Variants in GGA2 observed in about 807,000 individuals in gnomAD.
GGA2 encodes the protein ADP-ribosylation factor-binding protein GGA2.
GGA2 carries 48 observed loss-of-function variants against 79.5 expected under a neutral mutation model. The observed-to-expected ratio is 0.60, with a 90% CI of 0.48 to 0.77. The LOEUF is 0.77. Ranked by LOEUF, GGA2 falls within the 30% of genes least tolerant of loss-of-function variation. GGA2 has a pLI of 0.00. For missense variants in GGA2, 770 were observed against 774.0 expected (o/e 0.99, Z 0.06); for synonymous variants, 317 against 302.0 (o/e 1.05, Z -0.51).
At chr16:23,490,495 G>T (rs1013037150) in intron 5 of GGA2, among the ~76,000 whole-genome samples, 1 of 152,046 alleles carries the variant, frequency 6.6e-6, no homozygotes, top group African/African-American at 2.4e-5. Flanking sequence ...AGCACTTTGG[G>T]AGGCTGAGGC....
At chr16:23,477,669 C>T (rs1964591739) in intron 13 of GGA2, among the ~76,000 whole-genome samples, 1 of 152,084 alleles carries the variant, frequency 6.6e-6, no homozygotes, top group Admixed American at 6.6e-5. Context: ...ATCGCTTGAA[C>T]CTGGGAGGCA....
chr16:23,474,796 T>G, intron 14 of GGA2, 108 bp downstream of exon 14: 1 of 845,758 alleles, frequency 1.2e-6, no homozygotes, highest in African/African-American at 1.7e-5. Context: ...CTCCCATTTA[T>G]CAACCAAATT....
At chr16:23,500,922 T>C (rs1214078020) in intron 1 of GGA2, 4 of 277,234 alleles carry the variant, frequency 1.4e-5, no homozygotes, top group Non-Finnish European at 2.9e-5. Context: ...ACCTATATTA[T>C]ATATACCATG....
chr16:23,510,082 T>C (rs12921516), intron 1 of GGA2, among the ~76,000 whole-genome samples: 3 of 129,298 alleles, frequency 2.3e-5, no homozygotes, highest in East Asian at 2.4e-4. Context: ...GCTGCTAAGT[T>C]GGGGGGTGGG....
chr16:23,510,808 G>C (rs1965039998), upstream of GGA2, among the ~76,000 whole-genome samples: 1 of 152,218 alleles, frequency 6.6e-6, no homozygotes, highest in Non-Finnish European at 1.5e-5. Flanking sequence ...CTAGGCTCAA[G>C]CGATCCTCCC....
intron 16 of GGA2, 106 bp from the exon 17 acceptor site, chr16:23,467,806 C>A (rs1964460774): frequency 7.2e-6 from 5 of 698,908 alleles, no homozygotes; most frequent in South Asian, 1.5e-5. Flanking sequence ...CACAAAATAC[C>A]TGGGATACTC....
At chr16:23,478,935 A>G in intron 11 of GGA2, 24 bp from the exon 12 acceptor site, 1 of 1,552,230 alleles carries the variant, frequency 6.4e-7, no homozygotes, top group Non-Finnish European at 8.9e-7. Flanking sequence ...GTAGAGTGAG[A>G]TGCCTAACAG....
chr16:23,505,210 T>C (rs542860110), intron 1 of GGA2, among the ~76,000 whole-genome samples: 1 of 152,286 alleles, frequency 6.6e-6, no homozygotes, highest in African/African-American at 2.4e-5. Context: ...AATGTCCTAC[T>C]CATCACCTGG....
intron 2 of GGA2, among the ~76,000 whole-genome samples, chr16:23,519,303 A>T (rs948569720): frequency 6.6e-6 from 1 of 152,094 alleles, no homozygotes; most frequent in African/African-American, 2.4e-5. Context: ...TTGGCCTCCC[A>T]ATGTGCTGGG....
intron 1 of GGA2, among the ~76,000 whole-genome samples, chr16:23,498,465 A>G (rs962878379): frequency 1.4e-4 from 21 of 152,076 alleles, no homozygotes; most frequent in African/African-American, 3.9e-4. Context: ...ACAGTGTCTC[A>G]TGCCTGTAAT....
At chr16:23,472,098 C>G (rs1342512138) in intron 14 of GGA2, among the ~76,000 whole-genome samples, 14 of 150,694 alleles carry the variant, frequency 9.3e-5, no homozygotes, top group Admixed American at 9.3e-4. Flanking sequence ...GTATTATGAT[C>G]TCCTCATAAT....
chr16:23,510,225 T>C (rs1213324997), intron 1 of GGA2, 96 bp downstream of exon 1: 18 of 754,230 alleles, frequency 2.4e-5, no homozygotes, highest in African/African-American at 7.5e-5. Context: ...CGGCCTCCCC[T>C]GCGGCCGCCC....
intron 9 of GGA2, among the ~76,000 whole-genome samples, chr16:23,481,349 G>C (rs2142122082): frequency 6.6e-6 from 1 of 152,272 alleles, no homozygotes; most frequent in African/African-American, 2.4e-5. Context: ...CTCCAGCCGG[G>C]GCAGCAAGAG....
rs373294083 is a variant in GGA2 at position 23,498,545 on chromosome 16, T to C, written c.92-2767A>G. On this transcript the variant is annotated intron_variant, in intron 1 of 16. Transcript: ENST00000309859. ...GACTTCGTGACAAGCCTGGGCAACATAGTGAGGCCCCATCTCTACAAATAT... is the reference window on the plus strand; with the variant it reads ...GACTTCGTGACAAGCCTGGGCAACACAGTGAGGCCCCATCTCTACAAATAT... Among the ~76,000 whole-genome samples, 24 of 152,142 alleles carry C rather than the reference T, an allele frequency of 1.6e-4. No individual in the cohort carries two copies. The South Asian group carries it at 3.5e-3, about 22-fold the overall frequency.
intron 13 of GGA2, 129 bp downstream of exon 13, chr16:23,478,239 A>T: frequency 3.2e-6 from 2 of 632,350 alleles, no homozygotes; most frequent in Non-Finnish European, 5.0e-6. Flanking sequence ...AAAAAAAAAA[A>T]GAAAGAAAGA....
intron 1 of GGA2, chr16:23,501,469 A>G (rs1468406769): frequency 4.8e-6 from 2 of 420,268 alleles, no homozygotes; most frequent in Non-Finnish European, 9.6e-6. Flanking sequence ...TTTATGCAAG[A>G]TATTACTTCG....
chr16:23,509,106 G>GC (rs1174293312), intron 1 of GGA2, among the ~76,000 whole-genome samples: 8 of 152,312 alleles, frequency 5.3e-5, no homozygotes, highest in Non-Finnish European at 1.2e-4. Flanking sequence ...CCATATGGCT[G>GC]CAAGTGACGC....
chr16:23,493,266 T>C (rs1180597758), intron 4 of GGA2, 94 bp downstream of exon 4: 11 of 777,532 alleles, frequency 1.4e-5, no homozygotes, highest in Middle Eastern at 4.8e-4. Flanking sequence ...GTTTTGTCCA[T>C]GCGTGGGCCT....
At position 23,464,869 on chromosome 16, in the gene GGA2, C is replaced by T. The variant is rs1299979026; in HGVS notation, c.*2721G>A. 6.0e-6 allele frequency: 1 copy of T among 167,776 alleles called. No individual in the cohort carries two copies. Among genetic ancestry groups the T allele is most frequent in the Non-Finnish European group, 1.3e-5 (1 of 76,598 alleles). The allele number at this position is 167,776 out of a possible 1,614,324, so 10.4% of individuals were successfully genotyped here. On this transcript the variant is annotated 3_prime_UTR_variant, in exon 17 of 17. Coordinates refer to ENST00000309859, the MANE Select transcript of GGA2 (RefSeq NM_015044.4). Reference sequence around the variant, plus strand: ...GGCAGCTTGAGAGAGGTCTACAACCCACCTAATGGTTTAGAGCCACCTGAC... The same window carrying T: ...GGCAGCTTGAGAGAGGTCTACAACCTACCTAATGGTTTAGAGCCACCTGAC...
Sources: gnomAD v4.1 joint callset for allele counts (sites outside exome capture counted in the v4.1 genomes callset) on GRCh38, gnomAD v4.1.1 for gene constraint, MANE v1.5 for transcripts, NCBI Gene and HGNC (gene_info 2026-07-23, HGNC 2026-07-21) for gene names.